The following TMEFF2 variants were observed in gnomAD, a reference collection of about 807,000 sequenced individuals.
TMEFF2 encodes transmembrane protein with EGF like and two follistatin like domains 2, also known as tomoregulin-2.
Under a neutral mutation model 53.8 loss-of-function variants are expected in TMEFF2, and 28 were observed. That is an observed-to-expected ratio of 0.52 (90% CI 0.39 to 0.71). The LOEUF is 0.71. Ranked by LOEUF, TMEFF2 falls within the 30% of genes least tolerant of loss-of-function variation. The pLI is 0.00. For missense variants in TMEFF2, 353 were observed against 455.2 expected (o/e 0.78, Z 2.04); for synonymous variants, 162 against 166.3 (o/e 0.97, Z 0.20).
At chr2:192,006,354 C>T (rs181580759) in intron 5 of TMEFF2, among the ~76,000 whole-genome samples, 57 of 152,180 alleles carry the variant, frequency 3.7e-4, no homozygotes, top group African/African-American at 1.2e-3. Context: ...AACTGAGCTG[C>T]GAAACTCTTG....
chr2:192,192,060 T>C (rs1277082260), intron 1 of TMEFF2, 71 bp from the exon 2 acceptor site: 2 of 1,089,096 alleles, frequency 1.8e-6, no homozygotes, highest in Non-Finnish European at 2.7e-6. Context: ...AGCACTACTT[T>C]GAAGCTTTAA....
chr2:192,125,885 G>C (rs1046987437), intron 4 of TMEFF2, among the ~76,000 whole-genome samples: 2 of 152,186 alleles, frequency 1.3e-5, no homozygotes, highest in Non-Finnish European at 2.9e-5. Context: ...GGAATGGCGG[G>C]AGGGCAAGCA....
chr2:192,082,415 T>A (rs1398990292), intron 4 of TMEFF2, among the ~76,000 whole-genome samples: 1 of 152,156 alleles, frequency 6.6e-6, no homozygotes, highest in African/African-American at 2.4e-5. Flanking sequence ...ATTACCTACT[T>A]GTCATCTTTC....
chr2:192,120,967 C>A (rs1037584299), intron 4 of TMEFF2, among the ~76,000 whole-genome samples: 1 of 152,052 alleles, frequency 6.6e-6, no homozygotes, highest in Admixed American at 6.6e-5. Context: ...AACTTCTGAC[C>A]TTGTGATCCG....
intron 4 of TMEFF2, among the ~76,000 whole-genome samples, chr2:192,140,170 A>C (rs764781351): frequency 1.3e-5 from 2 of 152,232 alleles, no homozygotes; most frequent in Admixed American, 1.3e-4. Context: ...TAACTGAGAT[A>C]AATGAAAAAT....
chr2:191,951,847 A>G (rs1691894703), intron 9 of TMEFF2, among the ~76,000 whole-genome samples: 1 of 152,104 alleles, frequency 6.6e-6, no homozygotes, highest in Non-Finnish European at 1.5e-5. Context: ...TCCCCTCAAA[A>G]GCCAATAAAT....
At chr2:191,968,511 CA>C (rs1468496197) in intron 7 of TMEFF2, among the ~76,000 whole-genome samples, 2 of 152,180 alleles carry the variant, frequency 1.3e-5, no homozygotes, top group African/African-American at 4.8e-5. Context: ...TTCTAAATTG[CA>C]GGCCTTACGG....
At chr2:192,017,121 C>A (rs1686761196) in intron 5 of TMEFF2, among the ~76,000 whole-genome samples, 1 of 152,148 alleles carries the variant, frequency 6.6e-6, no homozygotes, top group South Asian at 2.1e-4. Context: ...TGCCCAAACA[C>A]AGAGGCATGA....
Position 192,133,106 on chromosome 2 carries a change from T to A in TMEFF2, c.439+46562A>T, listed in dbSNP as rs539265362. 4.6e-3 allele frequency among the ~76,000 whole-genome samples: 699 copies of A among 152,126 alleles called. 1 individual carries two copies. The highest frequency in any genetic ancestry group is 0.012 in the East Asian group (61 of 5,170). Reference sequence around the variant, plus strand: ...ACCTCTTAAAACTCCCCAACTCTGGTACCAACTTAGACAATACTCTTTTAA... The same window carrying A: ...ACCTCTTAAAACTCCCCAACTCTGGAACCAACTTAGACAATACTCTTTTAA... On this transcript the variant is annotated intron_variant, in intron 4 of 9. Transcript: ENST00000272771.
At chr2:191,983,651 GTACAGAGCCCAGTAA>G in intron 7 of TMEFF2, among the ~76,000 whole-genome samples, 1 of 152,282 alleles carries the variant, frequency 6.6e-6, no homozygotes, top group Non-Finnish European at 1.5e-5. Flanking sequence ...CAGCTCTGAA[GTACAGAGCCCAGTAA>G]ACCTGGGCTC....
chr2:191,962,506 A>G (rs930961462), intron 7 of TMEFF2, among the ~76,000 whole-genome samples: 1 of 152,228 alleles, frequency 6.6e-6, no homozygotes, highest in African/African-American at 2.4e-5. Flanking sequence ...TGAAATATAC[A>G]TAGTAATTTG....
At chr2:192,183,429 G>C (rs1217791194) in intron 3 of TMEFF2, among the ~76,000 whole-genome samples, 8 of 151,910 alleles carry the variant, frequency 5.3e-5, no homozygotes, top group Non-Finnish European at 1.2e-4. Context: ...TGAATAAATA[G>C]ACTTTTCATG....
At chr2:192,132,991 G>A (rs935142653) in intron 4 of TMEFF2, among the ~76,000 whole-genome samples, 2 of 152,090 alleles carry the variant, frequency 1.3e-5, no homozygotes, top group South Asian at 2.1e-4. Context: ...TAATCAATAC[G>A]GAGGCTACCC....
At chr2:192,181,969 A>G (rs1283060696) in intron 3 of TMEFF2, among the ~76,000 whole-genome samples, 1 of 151,838 alleles carries the variant, frequency 6.6e-6, no homozygotes, top group Non-Finnish European at 1.5e-5. Flanking sequence ...ATAGCCTACT[A>G]AAGTCTTATT....
rs34849289 is a variant in TMEFF2, at chr2:192,010,530, T to TC, written c.537-11323dup. 6.4e-4 allele frequency among the ~76,000 whole-genome samples: 97 copies of TC among 151,634 alleles called. 1 individual carries two copies. The highest frequency in any genetic ancestry group is 6.8e-3 in the Middle Eastern group (2 of 294). On this transcript the variant is annotated intron_variant, in intron 5 of 9. Transcript: ENST00000272771. ...TGCAGCTATTACTGCCACTTTTTTT[T>TC]CCCCCCACTGAGGCATATACCTTTT...
At chr2:192,041,702 AAAC>A (rs1369415665) in intron 5 of TMEFF2, among the ~76,000 whole-genome samples, 1 of 152,214 alleles carries the variant, frequency 6.6e-6, no homozygotes, top group Non-Finnish European at 1.5e-5. Context: ...CAAAAAGTAG[AAAC>A]AACCCAAATG....
chr2:191,982,103 C>T (rs1685866218), intron 7 of TMEFF2, among the ~76,000 whole-genome samples: 1 of 146,186 alleles, frequency 6.8e-6, no homozygotes, highest in Admixed American at 7.0e-5. Context: ...TGAAGAGACA[C>T]TCTGAATTTG....
chr2:192,036,547 C>T (rs1387191652), intron 5 of TMEFF2: 1 of 152,154 alleles, frequency 6.6e-6, no homozygotes, highest in Non-Finnish European at 1.5e-5. Context: ...GAATAAATAT[C>T]TGGAATAAAC....
chr2:192,043,249 AG>A (rs1687528984), intron 5 of TMEFF2, among the ~76,000 whole-genome samples: 1 of 152,312 alleles, frequency 6.6e-6, no homozygotes, highest in South Asian at 2.1e-4. Context: ...CTTAAACAAA[AG>A]TCTAGCCTAC....
Sources: allele counts gnomAD v4.1 joint callset (sites outside exome capture counted in the v4.1 genomes callset), GRCh38; gene constraint gnomAD v4.1.1; transcripts MANE v1.5; gene names NCBI Gene and HGNC (gene_info 2026-07-23, HGNC 2026-07-21).